THSD7B: variants seen among roughly 807,000 people sequenced by gnomAD.
THSD7B encodes thrombospondin type 1 domain containing 7B.
Under a neutral mutation model 213.6 loss-of-function variants are expected in THSD7B, and 138 were observed. The observed-to-expected ratio is 0.65, with a 90% CI of 0.56 to 0.74. THSD7B has a LOEUF of 0.74. Ranked by LOEUF, THSD7B falls within the 30% of genes least tolerant of loss-of-function variation. The pLI, the probability that THSD7B is intolerant of heterozygous loss-of-function variation, is 0.00. For missense variants in THSD7B, 1,931 were observed against 1,991.5 expected, an observed-to-expected ratio of 0.97 and a Z score of 0.58; for synonymous variants, 742 against 687.0, an observed-to-expected ratio of 1.08 and a Z score of -1.25.
chr2:136,873,061 AT>A (rs1683466108), intron 1 of THSD7B, among the ~76,000 whole-genome samples: 1 of 149,858 alleles, frequency 6.7e-6, no homozygotes, highest in Middle Eastern at 3.2e-3. Context: ...AAGGGAGAAT[AT>A]AGCAATGTTT....
chr2:136,983,951 A>G (rs760037452), intron 2 of THSD7B, among the ~76,000 whole-genome samples: 1 of 152,256 alleles, frequency 6.6e-6, no homozygotes, highest in Non-Finnish European at 1.5e-5. Flanking sequence ...TCACTAGTCT[A>G]TAGACTGAAG....
intron 12 of THSD7B, among the ~76,000 whole-genome samples, chr2:137,374,928 AC>A (rs567583667): frequency 1.2e-4 from 18 of 152,182 alleles, no homozygotes; most frequent in Non-Finnish European, 2.4e-4. Context: ...GACCATTCTG[AC>A]CAGCCATGTT....
intron 17 of THSD7B, among the ~76,000 whole-genome samples, chr2:137,581,218 G>C (rs1334128493): frequency 6.6e-6 from 1 of 152,050 alleles, no homozygotes; most frequent in Non-Finnish European, 1.5e-5. Flanking sequence ...ATTATTTTTA[G>C]AATTTGTCAT....
In THSD7B at chr2:137,035,059, G is replaced by C. The variant is rs564710494; in HGVS notation, c.140-21361G>C. ...CTTTCTTAAAAGAGCTCTACAACGTGCTACAATGTTGTCTAGGAAGAATGA... is the reference window on the plus strand; with the variant it reads ...CTTTCTTAAAAGAGCTCTACAACGTCCTACAATGTTGTCTAGGAAGAATGA... On this transcript the variant is annotated intron_variant, in intron 2 of 27. Transcript: ENST00000409968. Among the ~76,000 whole-genome samples the C allele has an allele frequency of 1.6e-4, 24 of 152,318 alleles. No individual in the cohort carries two copies. In the South Asian group the frequency reaches 3.5e-3, roughly 22 times the overall value.
At chr2:137,342,131 C>T (rs1330213953) in intron 12 of THSD7B, among the ~76,000 whole-genome samples, 1 of 151,482 alleles carries the variant, frequency 6.6e-6, no homozygotes, top group African/African-American at 2.4e-5. Context: ...TCTTTCAATC[C>T]ATGAGCATGG....
chr2:137,163,045 T>A (rs1326621806), intron 6 of THSD7B, among the ~76,000 whole-genome samples: 1 of 152,236 alleles, frequency 6.6e-6, no homozygotes, highest in African/African-American at 2.4e-5. Flanking sequence ...TGTTAAAAAC[T>A]GGCTCCTTGA....
chr2:137,197,694 T>A (rs1680792910), intron 7 of THSD7B, among the ~76,000 whole-genome samples: 1 of 152,136 alleles, frequency 6.6e-6, no homozygotes, highest in Non-Finnish European at 1.5e-5. Flanking sequence ...ACAGAAAGAA[T>A]CCATTCTTGG....
At chr2:137,123,287 G>A (rs1335279246) in intron 5 of THSD7B, among the ~76,000 whole-genome samples, 1 of 152,066 alleles carries the variant, frequency 6.6e-6, no homozygotes, top group Non-Finnish European at 1.5e-5. Flanking sequence ...AAGTGTAGGG[G>A]TCTTAGCTCC....
At chr2:137,248,553 A>T (rs1399922357) in intron 10 of THSD7B, among the ~76,000 whole-genome samples, 1 of 152,210 alleles carries the variant, frequency 6.6e-6, no homozygotes, top group Non-Finnish European at 1.5e-5. Context: ...GTCAATCTGA[A>T]TGTCAAAAAG....
chr2:137,318,509 G>C (rs1275951546), intron 12 of THSD7B, among the ~76,000 whole-genome samples: 21 of 152,012 alleles, frequency 1.4e-4, no homozygotes, highest in Admixed American at 1.3e-3. Context: ...AAAAACAGAG[G>C]TAATACCCTC....
At chr2:136,899,321 A>C (rs904436521) in intron 2 of THSD7B, among the ~76,000 whole-genome samples, 2 of 152,164 alleles carry the variant, frequency 1.3e-5, no homozygotes, top group African/African-American at 4.8e-5. Flanking sequence ...GTATTATTAC[A>C]CACCTTAAGT....
intron 6 of THSD7B, among the ~76,000 whole-genome samples, chr2:137,166,935 T>G (rs76606147): frequency 0.038 from 5,838 of 152,188 alleles, 168 homozygotes; most frequent in Non-Finnish European, 0.062. Flanking sequence ...ACCCTATCAG[T>G]GTGTCTTCTT....
At chr2:137,635,994 G>T (rs1682826310) in intron 20 of THSD7B, among the ~76,000 whole-genome samples, 1 of 152,096 alleles carries the variant, frequency 6.6e-6, no homozygotes, top group Non-Finnish European at 1.5e-5. Flanking sequence ...GAGCTACTGT[G>T]CCCAGCCCCT....
chr2:137,669,073 A>G (rs1276971593), intron 27 of THSD7B, among the ~76,000 whole-genome samples: 1 of 151,346 alleles, frequency 6.6e-6, no homozygotes, highest in Non-Finnish European at 1.5e-5. Flanking sequence ...AGAAGTTTCA[A>G]TGGATTTTTT....
At chr2:137,540,753 G>C (rs554187739) in intron 15 of THSD7B, among the ~76,000 whole-genome samples, 1 of 151,794 alleles carries the variant, frequency 6.6e-6, no homozygotes, top group Admixed American at 6.6e-5. Flanking sequence ...TTAACTTGTA[G>C]CTACCTGAGA....
chr2:137,187,164 G>A (rs1344192317), intron 7 of THSD7B, among the ~76,000 whole-genome samples: 2 of 152,070 alleles, frequency 1.3e-5, no homozygotes, highest in Admixed American at 6.5e-5. Context: ...TGAAAATGTA[G>A]CCGTTGCCAA....
intron 22 of THSD7B, 117 bp downstream of exon 22, chr2:137,655,777 T>A: frequency 8.0e-7 from 1 of 1,245,540 alleles, no homozygotes. Context: ...TAACTTTAAT[T>A]CATTTTTAAT....
intron 2 of THSD7B, among the ~76,000 whole-genome samples, chr2:136,949,400 G>T (rs1016440133): frequency 6.6e-6 from 1 of 152,172 alleles, no homozygotes; most frequent in Non-Finnish European, 1.5e-5. Flanking sequence ...TGATGTAAAA[G>T]AAAACTCCAG....
At chr2:137,378,924 C>A (rs1685718168) in intron 12 of THSD7B, among the ~76,000 whole-genome samples, 2 of 152,162 alleles carry the variant, frequency 1.3e-5, no homozygotes, top group African/African-American at 4.8e-5. Flanking sequence ...TTCTTTATAT[C>A]TAATTTATGA....
Sources: gnomAD v4.1 joint callset for allele counts (sites outside exome capture counted in the v4.1 genomes callset) on GRCh38, gnomAD v4.1.1 for gene constraint, MANE v1.5 for transcripts, NCBI Gene and HGNC (gene_info 2026-07-23, HGNC 2026-07-21) for gene names.